Variants in MAGI2 observed in about 807,000 individuals in gnomAD.
The protein encoded by MAGI2 is membrane-associated guanylate kinase, WW and PDZ domain-containing protein 2.
MAGI2 carries 35 observed loss-of-function variants against 133.3 expected under a neutral mutation model. The ratio of observed to expected loss-of-function variants is 0.26; its 90% CI spans 0.20 to 0.35. MAGI2 has a LOEUF of 0.35. Ranked by LOEUF, MAGI2 falls within the 10% of genes least tolerant of loss-of-function variation. The probability of loss-of-function intolerance (pLI) is 1.00; values close to 1 mark genes in which losing one functional copy is unlikely to be tolerated. For synonymous variants in MAGI2, 729 were observed against 710.6 expected (o/e 1.03, Z -0.41); for missense variants, 1,636 against 1,863.4 (o/e 0.88, Z 2.25).
intron 1 of MAGI2, among the ~76,000 whole-genome samples, chr7:79,202,561 G>T (rs538584067): frequency 6.6e-6 from 1 of 151,944 alleles, no homozygotes; most frequent in South Asian, 2.1e-4. Context: ...TACTATTAAA[G>T]ACACATACTA....
chr7:79,104,582 G>C (rs1035725172), intron 1 of MAGI2, among the ~76,000 whole-genome samples: 1 of 152,020 alleles, frequency 6.6e-6, no homozygotes, highest in African/African-American at 2.4e-5. Context: ...CAGGAGAATC[G>C]CTTGAACCTG....
chr7:79,294,905 A>G (rs1422820928), intron 1 of MAGI2, among the ~76,000 whole-genome samples: 3 of 141,938 alleles, frequency 2.1e-5, no homozygotes, highest in Non-Finnish European at 4.6e-5. Context: ...AAATTTTTGT[A>G]CTTTTTTTTT....
intron 1 of MAGI2, among the ~76,000 whole-genome samples, chr7:79,116,813 CCT>C (rs1278756356): frequency 1.3e-5 from 2 of 152,154 alleles, no homozygotes; most frequent in Non-Finnish European, 2.9e-5. Context: ...TCTTGCTCCC[CCT>C]GTCACCATAT....
chr7:78,967,618 T>A lies in MAGI2; in HGVS notation c.418+39472A>T, dbSNP rs546704835. 1.2e-4 allele frequency among the ~76,000 whole-genome samples: 18 copies of A among 147,962 alleles called. No homozygotes were observed. In the South Asian group the frequency reaches 2.7e-3, roughly 22 times the overall value. Reference sequence around the variant, plus strand: ...CTTTCATGCATTATGAGTTGATTTTTTTTTTATATATATATAGTGTAGAAG... The same window carrying A: ...CTTTCATGCATTATGAGTTGATTTTATTTTTATATATATATAGTGTAGAAG... On this transcript the variant is annotated intron_variant, in intron 2 of 21. Transcript: ENST00000354212.
At chr7:79,235,614 C>T (rs539225724) in intron 1 of MAGI2, among the ~76,000 whole-genome samples, 28 of 152,332 alleles carry the variant, frequency 1.8e-4, no homozygotes, top group African/African-American at 5.3e-4. Flanking sequence ...CGACCCCTTG[C>T]GCTTCCCAAG....
chr7:79,063,123 G>A (rs1247569921), intron 1 of MAGI2, among the ~76,000 whole-genome samples: 1 of 152,014 alleles, frequency 6.6e-6, no homozygotes, highest in Non-Finnish European at 1.5e-5. Flanking sequence ...TTTTGTCCTG[G>A]CTTCATTTTA....
At chr7:78,678,173 A>G (rs1322779069) in intron 2 of MAGI2, among the ~76,000 whole-genome samples, 1 of 152,154 alleles carries the variant, frequency 6.6e-6, no homozygotes, top group African/African-American at 2.4e-5. Flanking sequence ...TTCGAAATCC[A>G]AAGGGGTTTT....
intron 1 of MAGI2, among the ~76,000 whole-genome samples, chr7:79,147,210 G>GA (rs1463247520): frequency 6.6e-6 from 1 of 152,128 alleles, no homozygotes; most frequent in Non-Finnish European, 1.5e-5. Flanking sequence ...GCAGCCCATA[G>GA]AAAAAATATT....
chr7:78,495,171 G>A (rs570267758), intron 5 of MAGI2, among the ~76,000 whole-genome samples: 1 of 152,234 alleles, frequency 6.6e-6, no homozygotes, highest in East Asian at 1.9e-4. Context: ...GTGCAGGTTT[G>A]TTGCATAGGT....
chr7:78,596,184 G>GAGGGAGGGAAGGAAGGA (rs764648185), intron 3 of MAGI2, among the ~76,000 whole-genome samples: 284 of 120,210 alleles, frequency 2.4e-3, no homozygotes, highest in Non-Finnish European at 3.6e-3. Context: ...TGAAGGAAGG[G>GAGGGAGGGAAGGAAGGA]AGGGAGGGAG....
At chr7:78,512,231 C>T (rs1010870324) in intron 4 of MAGI2, among the ~76,000 whole-genome samples, 6 of 151,772 alleles carry the variant, frequency 4.0e-5, no homozygotes, top group Non-Finnish European at 8.8e-5. Flanking sequence ...TGTAAACAAC[C>T]GCTTCCCTTT....
At chr7:78,548,208 A>G (rs931502410) in intron 3 of MAGI2, among the ~76,000 whole-genome samples, 6 of 152,234 alleles carry the variant, frequency 3.9e-5, no homozygotes, top group Non-Finnish European at 7.3e-5. Flanking sequence ...CTAACGTTGG[A>G]AAGTTCACAA....
At chr7:78,167,860 A>C in intron 15 of MAGI2, 56 bp downstream of exon 15, 8 of 1,541,684 alleles carry the variant, frequency 5.2e-6, no homozygotes, top group Non-Finnish European at 7.1e-6. Flanking sequence ...ACCATGTCTC[A>C]CAAAAGCATC....
chr7:79,134,429 T>C (rs1821196517), intron 1 of MAGI2, among the ~76,000 whole-genome samples: 1 of 152,164 alleles, frequency 6.6e-6, no homozygotes, highest in South Asian at 2.1e-4. Flanking sequence ...AGCTTAAAGA[T>C]GGTGTGGTTG....
intron 3 of MAGI2, among the ~76,000 whole-genome samples, chr7:78,573,279 T>A (rs867826750): frequency 1.9e-3 from 88 of 45,346 alleles, no homozygotes; most frequent in African/African-American, 7.7e-3. Flanking sequence ...TATAAATATA[T>A]ATATTTATAT....
intron 6 of MAGI2, among the ~76,000 whole-genome samples, chr7:78,424,777 T>C (rs1009688874): frequency 6.6e-6 from 1 of 152,194 alleles, no homozygotes; most frequent in Non-Finnish European, 1.5e-5. Context: ...ATGGGGTCTG[T>C]AGCCCCTTTG....
chr7:78,728,234 G>A (rs1173103365), intron 2 of MAGI2, among the ~76,000 whole-genome samples: 2 of 145,268 alleles, frequency 1.4e-5, no homozygotes, highest in African/African-American at 5.0e-5. Context: ...AAAGTAAATC[G>A]TAGAAAAATA....
intron 5 of MAGI2, among the ~76,000 whole-genome samples, chr7:78,496,083 A>G (rs543863765): frequency 1.4e-3 from 217 of 152,322 alleles, no homozygotes; most frequent in African/African-American, 5.0e-3. Flanking sequence ...TTTCTTTAAT[A>G]AATGTTGTTT....
intron 6 of MAGI2, among the ~76,000 whole-genome samples, chr7:78,423,476 T>C (rs1214681363): frequency 1.3e-5 from 2 of 152,192 alleles, no homozygotes; most frequent in Admixed American, 1.3e-4. Context: ...AAATTGGTAC[T>C]GAGGTTGGGG....
Sources: gnomAD v4.1 joint callset for allele counts (sites outside exome capture counted in the v4.1 genomes callset) on GRCh38, gnomAD v4.1.1 for gene constraint, MANE v1.5 for transcripts, NCBI Gene and HGNC (gene_info 2026-07-23, HGNC 2026-07-21) for gene names.